Variants in ERV3-1 observed in about 807,000 individuals in gnomAD.
ERV3-1 encodes the protein endogenous retrovirus group 3 member 1 Env polyprotein.
A neutral mutation model predicts 24.6 loss-of-function variants in ERV3-1; 36 were observed. The ratio of observed to expected loss-of-function variants is 1.47; its 90% confidence interval spans 1.12 to 1.94. ERV3-1 has a LOEUF of 1.94. Among genes scored for constraint, ERV3-1 ranks in the 30% most tolerant of loss-of-function variants. The pLI is 0.00. For synonymous variants in ERV3-1, 211 were observed against 122.6 expected (o/e 1.72, Z -4.76); for missense variants, 578 against 330.9 (o/e 1.75, Z -5.79).
intron 1 of ERV3-1, among the ~76,000 whole-genome samples, chr7:64,998,483 CAG>C (rs1461664409): frequency 6.6e-6 from 1 of 152,174 alleles, no homozygotes; most frequent in African/African-American, 2.4e-5. Context: ...TTCTATTTCA[CAG>C]AGAGTTCTCA....
chr7:64,999,322 C>T (rs1786471562), intron 1 of ERV3-1, among the ~76,000 whole-genome samples: 2 of 152,236 alleles, frequency 1.3e-5, no homozygotes, highest in African/African-American at 4.8e-5. Flanking sequence ...TGTAGTCTCC[C>T]CTCCTGGCTG....
chr7:64,996,296 G>GC (rs1286293587), intron 1 of ERV3-1, among the ~76,000 whole-genome samples: 1 of 152,158 alleles, frequency 6.6e-6, no homozygotes, highest in Non-Finnish European at 1.5e-5. Context: ...GCTTATAAAT[G>GC]CCCCAAATAT....
chr7:64,992,199 G>A lies in ERV3-1; in HGVS notation c.828C>T (p.Phe276=), dbSNP rs761270010. 16 of 766,268 alleles carry A rather than the reference G, an allele frequency of 2.1e-5. No individual in the cohort carries two copies. Among genetic ancestry groups the A allele is most frequent in the Middle Eastern group, 2.2e-4 (1 of 4,462 alleles). The allele number at this position is 766,268 out of a possible 1,614,324, so 47.5% of individuals were successfully genotyped here. ...TGGCTATGTTTTCAGCCAGTTGGGC[G>A]AATAAATTACTGGCCAAGGGAGGGG... is the stretch of plus-strand genomic sequence containing the variant. ...PEPPPLASNL[F]AQLAENIASS... The change falls in exon 2 of 2, where the codon TTC becomes TTT. Residue 276 remains phenylalanine (F), a synonymous_variant. Transcript: ENST00000394323.
rs1322855456 is a variant in ERV3-1 at position 64,991,896 on chromosome 7, C to A, written c.1131G>T (p.Trp377Cys). ...YYNETLGKTL[W>C]RGKSNNSESP... Reference sequence around the variant, plus strand: ...ATTCAGAATTATTGCTTTTGCCCCTCCATAAAGTCTTTCCTAGTGTCTCGT... The same window carrying A: ...ATTCAGAATTATTGCTTTTGCCCCTACATAAAGTCTTTCCTAGTGTCTCGT... Residue 377 changes from tryptophan to cysteine, a missense_variant, in exon 2 of 2, where the codon TGG becomes TGT. Physicochemically the swap from Trp to Cys is radical, Grantham distance 215. Transcript: ENST00000394323. 1 of 766,240 alleles carries A rather than the reference C, an allele frequency of 1.3e-6. No individual in the cohort carries two copies. Among genetic ancestry groups the A allele is most frequent in the African/African-American group, 1.7e-5 (1 of 59,102 alleles). 47.5% of individuals were successfully genotyped at this position (766,240 alleles called of 1,614,324 possible).
In ERV3-1 at chr7:65,006,591, T is replaced by A. The variant is rs1313250002; in HGVS notation, c.-439A>T. The A allele has an allele frequency of 6.4e-7, 1 of 1,571,868 alleles. No individual in the cohort carries two copies. The highest frequency in any genetic ancestry group is 8.7e-7 in the Non-Finnish European group (1 of 1,143,534). The stretch of plus-strand genomic sequence containing the variant: ...GGCGTCTTAGCTGTGGATCTCCCAA[T>A]ACCTGCAGGTAACGAGGCCACAGAA... On this transcript the variant is annotated 5_prime_UTR_variant, in exon 1 of 2. Transcript: ENST00000394323.
intron 1 of ERV3-1, among the ~76,000 whole-genome samples, chr7:64,997,565 G>A (rs559983914): frequency 6.6e-6 from 1 of 152,118 alleles, no homozygotes; most frequent in East Asian, 1.9e-4. Context: ...TACCTCTGTA[G>A]GTACTGTAAT....
chr7:65,002,136 C>G (rs557077864), intron 1 of ERV3-1, among the ~76,000 whole-genome samples: 2 of 152,226 alleles, frequency 1.3e-5, no homozygotes, highest in East Asian at 3.9e-4. Flanking sequence ...TGGTAAATAG[C>G]GTTAATAAAA....
chr7:64,995,534 G>A (rs1414453985), intron 1 of ERV3-1, among the ~76,000 whole-genome samples: 1 of 152,174 alleles, frequency 6.6e-6, no homozygotes, highest in African/African-American at 2.4e-5. Context: ...CTTCATATAA[G>A]GGCCTGGCTA....
Position 64,991,840 on chromosome 7 carries a change from G to A in ERV3-1, c.1187C>T (p.Pro396Leu). The change falls in exon 2 of 2, where the codon CCA (proline) becomes CTA (leucine). Residue 396 changes from proline to leucine, a missense_variant. By Grantham distance (98) the Pro-to-Leu change is moderately conservative (BLOSUM62 -3). Transcript: ENST00000394323. ...SPHPSPFSRF[P>L]SLNHSWYQLE... ...TTGGTACCAAGAATGGTTTAAAGAT[G>A]GGAAACGAGAGAATGGGCTTGGGTG... 1.3e-6 allele frequency: 1 copy of A among 766,246 alleles called. No individual in the cohort carries two copies. Among genetic ancestry groups the A allele is most frequent in the Non-Finnish European group, 2.4e-6 (1 of 417,886 alleles). The allele number at this position is 766,246 out of a possible 1,614,324, so 47.5% of individuals were successfully genotyped here.
At position 64,992,702 on chromosome 7, in the gene ERV3-1, C is replaced by T. The variant is rs1786306790; in HGVS notation, c.325G>A (p.Val109Ile). Residue 109 changes from valine to isoleucine, a missense_variant, in exon 2 of 2, where the codon GTA (valine) becomes ATA (isoleucine). Transcript: ENST00000394323. ...KEGDLLNQTK[V>I]FPSGKDVVSL... ...ACGACATCCTTGCCAGAGGGAAATA[C>T]CTTGGTTTGGTTTAGAAGATCCCCT... 1.3e-6 allele frequency: 1 copy of T among 766,224 alleles called. No homozygotes were observed. Among genetic ancestry groups the T allele is most frequent in the African/African-American group, 1.7e-5 (1 of 59,098 alleles). The allele number at this position is 766,224 out of a possible 1,614,324, so 47.5% of individuals were successfully genotyped here.
At chr7:65,004,540 T>G (rs920424314) in intron 1 of ERV3-1, 5 of 152,180 alleles carry the variant, frequency 3.3e-5, no homozygotes, top group African/African-American at 1.2e-4. Context: ...CCCCACCTCT[T>G]TTATGCCCTT....
In ERV3-1 at chr7:64,991,776, G is replaced by A. The variant is rs778241288; in HGVS notation, c.1251C>T (p.Leu417=). The part of the protein sequence containing the change: ...APNTWQAPSG[L]YWICGPQAYR... The stretch of plus-strand genomic sequence containing the variant: ...ATGCTTGTGGCCCACAGATCCAGTA[G>A]AGGCCAGAGGGTGCCTGCCAGGTAT... The change falls in exon 2 of 2, where the codon CTC becomes CTT. Residue 417 remains leucine, a synonymous_variant. Coordinates refer to ENST00000394323, the MANE Select transcript of ERV3-1 (RefSeq NM_001007253.4). The A allele has an allele frequency of 2.6e-6, 2 of 766,166 alleles. No individual in the cohort carries two copies. Among genetic ancestry groups the A allele is most frequent in the Non-Finnish European group, 4.8e-6 (2 of 417,886 alleles). 47.5% of individuals were successfully genotyped at this position (766,166 alleles called of 1,614,324 possible).
chr7:65,002,613 C>A (rs1045758668), intron 1 of ERV3-1, among the ~76,000 whole-genome samples: 2 of 152,220 alleles, frequency 1.3e-5, no homozygotes, highest in African/African-American at 4.8e-5. Flanking sequence ...CAGGCATGAG[C>A]CATTGTGCCC....
chr7:64,992,522 T>G lies in ERV3-1; in HGVS notation c.505A>C (p.Thr169Pro). ...GATTGTTGGTTAGTGGACCACGTTG[T>G]GCAGTCCCAGCAAGTTGTTACTGGG... ...DSPVTTCWDC[T>P]TWSTNQQSLG... Residue 169 changes from threonine to proline, a missense_variant, in exon 2 of 2, where the codon ACA (threonine) becomes CCA (proline). Transcript: ENST00000394323. 1.3e-6 allele frequency: 1 copy of G among 766,398 alleles called. No individual in the cohort carries two copies. The highest frequency in any genetic ancestry group is 2.4e-6 in the Non-Finnish European group (1 of 417,898). The allele number at this position is 766,398 out of a possible 1,614,324, so 47.5% of individuals were successfully genotyped here.
At chr7:65,001,676 A>G (rs1451180274) in intron 1 of ERV3-1, among the ~76,000 whole-genome samples, 4 of 152,198 alleles carry the variant, frequency 2.6e-5, no homozygotes, top group Non-Finnish European at 5.9e-5. Flanking sequence ...TGTGTACAGG[A>G]GAGCAGAGTC....
At chr7:64,997,424 A>C (rs1786427217) in intron 1 of ERV3-1, among the ~76,000 whole-genome samples, 1 of 152,214 alleles carries the variant, frequency 6.6e-6, no homozygotes, top group Admixed American at 6.5e-5. Context: ...GTGTAAAGCT[A>C]GAATGCTTTA....
chr7:64,996,385 C>T (rs1203740898), intron 1 of ERV3-1, among the ~76,000 whole-genome samples: 1 of 152,164 alleles, frequency 6.6e-6, no homozygotes, highest in Non-Finnish European at 1.5e-5. Context: ...GCCTGATTTA[C>T]AGCCAGCCCA....
chr7:64,994,688 T>TA, intron 1 of ERV3-1, among the ~76,000 whole-genome samples: 1 of 152,374 alleles, frequency 6.6e-6, no homozygotes, highest in South Asian at 2.1e-4. Context: ...CTGTGGCAGT[T>TA]AAGAGTCCTC....
intron 1 of ERV3-1, among the ~76,000 whole-genome samples, chr7:65,002,626 C>T (rs1584070891): frequency 6.6e-6 from 1 of 152,208 alleles, no homozygotes; most frequent in Non-Finnish European, 1.5e-5. Context: ...TTGTGCCCAG[C>T]CTAAAATACT....
Sources: allele counts gnomAD v4.1 joint callset (sites outside exome capture counted in the v4.1 genomes callset), GRCh38; gene constraint gnomAD v4.1.1; transcripts MANE v1.5; gene names NCBI Gene and HGNC (gene_info 2026-07-23, HGNC 2026-07-21).